ZCCHC7: variants seen among roughly 807,000 people sequenced by gnomAD.
ZCCHC7 encodes the protein zinc finger CCHC-type containing 7.
A neutral mutation model predicts 52.0 loss-of-function variants in ZCCHC7; 35 were observed. That is an observed-to-expected ratio of 0.67 (90% CI 0.51 to 0.89). ZCCHC7 has a LOEUF of 0.89. Among genes scored for constraint, ZCCHC7 ranks in the 40% least tolerant of loss-of-function variants. The probability of loss-of-function intolerance (pLI) is 0.00; values close to 1 mark genes in which losing one functional copy is unlikely to be tolerated. For synonymous variants in ZCCHC7, 217 were observed against 221.5 expected, an observed-to-expected ratio of 0.98 and a Z score of 0.18; for missense variants, 574 against 649.1, an observed-to-expected ratio of 0.88 and a Z score of 1.26.
intron 2 of ZCCHC7, among the ~76,000 whole-genome samples, chr9:37,258,601 C>T (rs1340317471): frequency 6.6e-6 from 1 of 151,118 alleles, no homozygotes; most frequent in Non-Finnish European, 1.5e-5. Context: ...ACAAAAAATA[C>T]AAAAATTGGC....
Position 37,305,635 on chromosome 9 carries a change from T to G in ZCCHC7, c.872T>G (p.Met291Arg). The G allele has an allele frequency of 1.2e-6, 2 of 1,614,186 alleles. No homozygotes were observed. Among genetic ancestry groups the G allele is most frequent in the Non-Finnish European group, 1.7e-6 (2 of 1,180,022 alleles). The change falls in exon 5 of 9, where the codon ATG becomes AGG. Residue 291 changes from methionine to arginine, a missense_variant. By Grantham distance (91) the Met-to-Arg change is moderately conservative. Transcript: ENST00000336755. ...TGCGAATACTGTCCTGTGCCTAAGA[T>G]GTTGGACCACTCATGTCTTTTCAGA... The part of the protein sequence containing the change: ...PLCEYCPVPK[M>R]LDHSCLFRHS...
intron 7 of ZCCHC7, among the ~76,000 whole-genome samples, chr9:37,350,945 G>T (rs1451054177): frequency 6.6e-6 from 1 of 152,240 alleles, no homozygotes; most frequent in Non-Finnish European, 1.5e-5. Flanking sequence ...CAGAAAGCAT[G>T]CAGTGTTGGG....
chr9:37,132,801 C>T (rs1842844355), intron 2 of ZCCHC7, among the ~76,000 whole-genome samples: 1 of 152,106 alleles, frequency 6.6e-6, no homozygotes, highest in African/African-American at 2.4e-5. Context: ...TTGTCTTGGG[C>T]CACACATAAA....
chr9:37,268,746 G>A lies in ZCCHC7; in HGVS notation c.611-33442G>A, dbSNP rs188161771. 4.4e-3 allele frequency among the ~76,000 whole-genome samples: 672 copies of A among 152,282 alleles called. 3 individuals carry two copies. Among genetic ancestry groups the A allele is most frequent in the South Asian group, 6.0e-3 (29 of 4,830 alleles). ...CGGCCGCAAAATTTCTACTCTTTCCGAGGGGCTAATGCTGTTCTCAGCTGT... is the reference window on the plus strand; with the variant it reads ...CGGCCGCAAAATTTCTACTCTTTCCAAGGGGCTAATGCTGTTCTCAGCTGT... On this transcript the variant is annotated intron_variant, in intron 2 of 8. Transcript: ENST00000336755.
intron 6 of ZCCHC7, among the ~76,000 whole-genome samples, chr9:37,344,480 G>A (rs1820837306): frequency 6.6e-6 from 1 of 152,104 alleles, no homozygotes; most frequent in Admixed American, 6.5e-5. Context: ...CAAATTTACA[G>A]GTATTTTTTT....
chr9:37,174,875 G>A (rs186574956), intron 2 of ZCCHC7, among the ~76,000 whole-genome samples: 12 of 152,220 alleles, frequency 7.9e-5, no homozygotes, highest in African/African-American at 2.6e-4. Context: ...GGTGGCACAC[G>A]TCTGTAATCC....
intron 2 of ZCCHC7, among the ~76,000 whole-genome samples, chr9:37,296,881 T>TTGTGTG (rs56378965): frequency 0.081 from 10,061 of 124,064 alleles, 564 homozygotes; most frequent in East Asian, 0.13. Context: ...CCTGGCTAGT[T>TTGTGTG]TGTGTGTGTG....
intron 2 of ZCCHC7, among the ~76,000 whole-genome samples, chr9:37,130,235 CAAAA>C (rs33929421): frequency 6.7e-5 from 7 of 104,282 alleles, no homozygotes; most frequent in Non-Finnish European, 7.8e-5. Flanking sequence ...GAGACTGTCT[CAAAA>C]AAAAAAAAAA....
intron 6 of ZCCHC7, among the ~76,000 whole-genome samples, chr9:37,332,499 ACTTAT>A (rs1021038649): frequency 6.6e-6 from 1 of 151,606 alleles, no homozygotes; most frequent in Non-Finnish European, 1.5e-5. Flanking sequence ...TTATTTAAAT[ACTTAT>A]CTTGTTCTTA....
chr9:37,232,623 A>G (rs566031220), intron 2 of ZCCHC7, among the ~76,000 whole-genome samples: 3 of 152,344 alleles, frequency 2.0e-5, no homozygotes, highest in African/African-American at 7.2e-5. Context: ...GAAAAAAATC[A>G]TGACATGAAA....
intron 2 of ZCCHC7, among the ~76,000 whole-genome samples, chr9:37,158,012 A>G (rs1820906005): frequency 4.6e-5 from 7 of 152,262 alleles, no homozygotes; most frequent in Admixed American, 4.6e-4. Flanking sequence ...TAGAGTATAT[A>G]CAGAATATAC....
chr9:37,161,101 C>A (rs1045351697), intron 2 of ZCCHC7, among the ~76,000 whole-genome samples: 4 of 151,648 alleles, frequency 2.6e-5, no homozygotes, highest in Admixed American at 6.6e-5. Flanking sequence ...AGGCACAGGC[C>A]ACCACAACTG....
At chr9:37,193,663 G>C (rs762110418) in intron 2 of ZCCHC7, among the ~76,000 whole-genome samples, 2 of 151,868 alleles carry the variant, frequency 1.3e-5, no homozygotes, top group African/African-American at 2.4e-5. Flanking sequence ...TATGTTGTTG[G>C]ATTTTCTGCT....
Position 37,354,744 on chromosome 9 carries a change from C to T in ZCCHC7, c.1118C>T (p.Pro373Leu). The T allele has an allele frequency of 1.9e-6, 3 of 1,613,262 alleles. No individual in the cohort carries two copies. The highest frequency in any genetic ancestry group is 1.1e-5 in the South Asian group (1 of 91,046). Reference sequence around the variant, plus strand: ...GAAAGAGAAGTGTATGACCCGTCTCCAGTATCTCCATTCATCTGCTACTAT... The same window carrying T: ...GAAAGAGAAGTGTATGACCCGTCTCTAGTATCTCCATTCATCTGCTACTAT... ...CPEREVYDPS[P>L]VSPFICYYDD... Residue 373 changes from proline (P) to leucine (L), a missense_variant, in exon 8 of 9, where the codon CCA (proline) becomes CTA (leucine). Pro to Leu is a moderately conservative substitution (Grantham distance 98). This residue lies in a region of ZCCHC7 where 403 missense variants were observed against 461.2 expected (regional missense o/e 0.87). Coordinates refer to ENST00000336755, the MANE Select transcript of ZCCHC7 (RefSeq NM_032226.3). The surrounding 1 kb of genome is among the most constrained non-coding windows in gnomAD (Gnocchi z 4.0).
intron 2 of ZCCHC7, among the ~76,000 whole-genome samples, chr9:37,254,086 T>G (rs1405389968): frequency 4.6e-5 from 7 of 152,128 alleles, no homozygotes; most frequent in Admixed American, 1.3e-4. Flanking sequence ...CCATTAATGA[T>G]GGTGTGAGTT....
At chr9:37,123,190 GGTGTGTGTGTGTGTGTGTGTGT>G (rs58690804) in intron 1 of ZCCHC7, among the ~76,000 whole-genome samples, 3 of 148,712 alleles carry the variant, frequency 2.0e-5, no homozygotes, top group Non-Finnish European at 4.5e-5. Context: ...CTGAGTCAAG[GGTGTGTGTGTGTGTGTGTGTGT>G]GTGTGTGTGT....
intron 2 of ZCCHC7, among the ~76,000 whole-genome samples, chr9:37,235,349 G>A (rs1036897294): frequency 1.3e-5 from 2 of 152,118 alleles, no homozygotes; most frequent in African/African-American, 4.8e-5. Flanking sequence ...GAGAAATCAT[G>A]TGGTATTTGT....
At chr9:37,149,545 C>T (rs1413768872) in intron 2 of ZCCHC7, among the ~76,000 whole-genome samples, 1 of 151,890 alleles carries the variant, frequency 6.6e-6, no homozygotes, top group Non-Finnish European at 1.5e-5. Context: ...TGAGGAATTC[C>T]TAGGAATTAC....
intron 5 of ZCCHC7, among the ~76,000 whole-genome samples, chr9:37,325,267 C>T (rs190335370): frequency 2.0e-5 from 3 of 152,256 alleles, no homozygotes; most frequent in African/African-American, 4.8e-5. Context: ...TTTGAGGAGG[C>T]CCTTTGGGTT....
Sources: gnomAD v4.1 joint callset for allele counts (sites outside exome capture counted in the v4.1 genomes callset) on GRCh38, gnomAD v4.1.1 for gene constraint, gnomAD v4.1.1 regional missense constraint, Gnocchi (gnomAD v3.1) non-coding constraint, MANE v1.5 for transcripts, NCBI Gene and HGNC (gene_info 2026-07-23, HGNC 2026-07-21) for gene names.